Variants in HIVEP3 observed in about 807,000 individuals in gnomAD.
HIVEP3 encodes the protein HIVEP zinc finger 3.
Under a neutral mutation model 152.8 loss-of-function variants are expected in HIVEP3, and 49 were observed. The ratio of observed to expected loss-of-function variants is 0.32; its 90% CI spans 0.26 to 0.41. The LOEUF is 0.41. HIVEP3 is among the 10% of genes least tolerant of loss of function. The pLI is 1.00. For missense variants in HIVEP3, 2,790 were observed against 3,103.3 expected, an observed-to-expected ratio of 0.90 and a Z score of 2.40; for synonymous variants, 1,269 against 1,289.0, an observed-to-expected ratio of 0.98 and a Z score of 0.33.
chr1:41,669,089 G>T (rs984716018), intron 2 of HIVEP3, among the ~76,000 whole-genome samples: 1 of 152,162 alleles, frequency 6.6e-6, no homozygotes, highest in Non-Finnish European at 1.5e-5. Context: ...CCCTCTGAGA[G>T]CTGTCTTCCC....
chr1:41,538,200 G>C (rs1643445367), intron 5 of HIVEP3, among the ~76,000 whole-genome samples: 1 of 152,170 alleles, frequency 6.6e-6, no homozygotes, highest in South Asian at 2.1e-4. Flanking sequence ...TGAGACTCCT[G>C]TTTTATGAGT....
chr1:42,012,502 C>G (rs998043933), intron 1 of HIVEP3, among the ~76,000 whole-genome samples: 4 of 152,056 alleles, frequency 2.6e-5, no homozygotes, highest in African/African-American at 4.8e-5. Context: ...ACCAGCCTCA[C>G]CAACGTGGTG....
At chr1:41,997,329 G>A (rs962217571) in intron 1 of HIVEP3, among the ~76,000 whole-genome samples, 1 of 152,152 alleles carries the variant, frequency 6.6e-6, no homozygotes, top group South Asian at 2.1e-4. Flanking sequence ...TTCCTGTTGT[G>A]GCTGCTCCAC....
At chr1:41,828,293 C>T (rs1231567506) in intron 1 of HIVEP3, among the ~76,000 whole-genome samples, 1 of 152,220 alleles carries the variant, frequency 6.6e-6, no homozygotes, top group African/African-American at 2.4e-5. Context: ...GTCTGCAATT[C>T]GCAGATGTTC....
At chr1:41,678,857 A>G (rs2124086201) in intron 2 of HIVEP3, among the ~76,000 whole-genome samples, 1 of 152,348 alleles carries the variant, frequency 6.6e-6, no homozygotes, top group South Asian at 2.1e-4. Context: ...AGCCTTAAGC[A>G]CACTTTCAAG....
At chr1:41,829,671 C>A (rs1001898932) in intron 1 of HIVEP3, among the ~76,000 whole-genome samples, 1 of 151,774 alleles carries the variant, frequency 6.6e-6, no homozygotes, top group South Asian at 2.1e-4. Context: ...CTAGCACATA[C>A]AAACTGATAA....
At chr1:42,005,155 T>A (rs181815082) in intron 1 of HIVEP3, among the ~76,000 whole-genome samples, 2 of 152,258 alleles carry the variant, frequency 1.3e-5, no homozygotes, top group Non-Finnish European at 2.9e-5. Flanking sequence ...GGCTACCCTG[T>A]ATCCCTGATT....
At position 41,604,016 on chromosome 1, in the gene HIVEP3, G is replaced by A. The variant is rs557809228; in HGVS notation, c.-521-18698C>T. 2.1e-3 allele frequency among the ~76,000 whole-genome samples: 325 copies of A among 152,352 alleles called. 1 individual carries two copies. The highest frequency in any genetic ancestry group is 4.8e-3 in the South Asian group (23 of 4,832). On this transcript the variant is annotated intron_variant, in intron 3 of 8. Coordinates refer to ENST00000372583, the MANE Select transcript of HIVEP3 (RefSeq NM_024503.5). The stretch of plus-strand genomic sequence containing the variant: ...CATTCACCATAACAGCTAACATGAA[G>A]CAAACAAAATGACGCCAAGTGTTGG...
intron 1 of HIVEP3, among the ~76,000 whole-genome samples, chr1:41,799,805 C>A (rs544651466): frequency 1.6e-4 from 25 of 152,242 alleles, no homozygotes; most frequent in African/African-American, 6.0e-4. Context: ...CCCTTCCCCC[C>A]AACCCCAAGC....
intron 1 of HIVEP3, among the ~76,000 whole-genome samples, chr1:41,774,046 T>C (rs765040): frequency 0.41 from 62,405 of 152,094 alleles, 14,647 homozygotes; most frequent in Non-Finnish European, 0.54. Context: ...TGCTTCTGGC[T>C]TTGGACTTGA....
intron 1 of HIVEP3, among the ~76,000 whole-genome samples, chr1:41,896,470 C>T (rs1358630993): frequency 1.3e-5 from 2 of 152,198 alleles, no homozygotes; most frequent in Non-Finnish European, 2.9e-5. Context: ...TTTCTGACTG[C>T]CACTTGGCCA....
intron 1 of HIVEP3, among the ~76,000 whole-genome samples, chr1:41,951,350 C>T (rs527881789): frequency 3.3e-5 from 5 of 152,038 alleles, no homozygotes; most frequent in Admixed American, 1.3e-4. Context: ...AAGATTAAAA[C>T]GAGACAAAAT....
intron 2 of HIVEP3, among the ~76,000 whole-genome samples, chr1:41,663,968 G>A (rs1645756902): frequency 1.3e-5 from 2 of 152,092 alleles, no homozygotes; most frequent in South Asian, 2.1e-4. Flanking sequence ...AAGGCCCCAC[G>A]GACCAGCTGC....
chr1:41,905,595 T>G (rs1322244053), intron 1 of HIVEP3, among the ~76,000 whole-genome samples: 1 of 152,218 alleles, frequency 6.6e-6, no homozygotes, highest in Non-Finnish European at 1.5e-5. Flanking sequence ...CTGAGGAGAC[T>G]GAGGCACATA....
At chr1:41,642,166 C>T (rs147916041) in intron 2 of HIVEP3, among the ~76,000 whole-genome samples, 199 of 152,338 alleles carry the variant, frequency 1.3e-3, no homozygotes, top group African/African-American at 4.6e-3. Context: ...CACTGTCCTG[C>T]CCAGCCCACC....
chr1:41,816,298 G>A (rs1387183477), intron 1 of HIVEP3, among the ~76,000 whole-genome samples: 1 of 152,220 alleles, frequency 6.6e-6, no homozygotes, highest in African/African-American at 2.4e-5. Flanking sequence ...CAGCCATGGA[G>A]TAGGCCATTC....
chr1:41,558,777 C>G (rs1644008896), intron 5 of HIVEP3, among the ~76,000 whole-genome samples: 1 of 152,222 alleles, frequency 6.6e-6, no homozygotes, highest in African/African-American at 2.4e-5. Flanking sequence ...GTCCAGCCCC[C>G]TGGCTGGCCA....
chr1:41,768,191 C>T (rs906802439), intron 1 of HIVEP3, among the ~76,000 whole-genome samples: 5 of 152,226 alleles, frequency 3.3e-5, no homozygotes, highest in Non-Finnish European at 5.9e-5. Context: ...TACAGTTCCA[C>T]ATGACTAGGG....
chr1:41,771,098 T>C (rs1219076983), intron 1 of HIVEP3, among the ~76,000 whole-genome samples: 3 of 152,184 alleles, frequency 2.0e-5, no homozygotes, highest in Non-Finnish European at 4.4e-5. Flanking sequence ...AGAAAAATCA[T>C]AGAAATAAAC....
Sources: allele counts gnomAD v4.1 joint callset (sites outside exome capture counted in the v4.1 genomes callset), GRCh38; gene constraint gnomAD v4.1.1; transcripts MANE v1.5; gene names NCBI Gene and HGNC (gene_info 2026-07-23, HGNC 2026-07-21).